SDCBP2: variants seen among roughly 807,000 people sequenced by gnomAD.
SDCBP2 encodes the protein syndecan binding protein 2.
Under a neutral mutation model 30.7 loss-of-function variants are expected in SDCBP2, and 28 were observed. The observed-to-expected ratio is 0.91, with a 90% CI of 0.68 to 1.25. SDCBP2 has a LOEUF of 1.25. SDCBP2 is among the 50% of genes most tolerant of loss of function. The pLI, the probability that SDCBP2 is intolerant of heterozygous loss-of-function variation, is 0.00. For missense variants in SDCBP2, 399 were observed against 379.0 expected (o/e 1.05, Z -0.44); for synonymous variants, 166 against 157.3 (o/e 1.06, Z -0.41).
In SDCBP2 at chr20:1,324,940, G is replaced by A. The variant is rs1326934964; in HGVS notation, c.-20+4145C>T. Among the ~76,000 whole-genome samples the A allele has an allele frequency of 2.6e-5, 4 of 152,138 alleles. No homozygotes were observed. Among genetic ancestry groups the A allele is most frequent in the Non-Finnish European group, 4.4e-5 (3 of 68,022 alleles). ...AGCCTCAGCTTTTACAAAGTGAAAT[G>A]CATATTCTTTTATTAGAAATTACTT... On this transcript the variant is annotated intron_variant, in intron 1 of 8. Coordinates refer to ENST00000360779, the MANE Select transcript of SDCBP2 (RefSeq NM_080489.5). This position sits in a 1 kb window ranked among gnomAD's most constrained non-coding sequence, Gnocchi z 4.7.
intron 1 of SDCBP2, chr20:1,322,580 T>G (rs1412622666): frequency 6.6e-6 from 1 of 152,152 alleles, no homozygotes; most frequent in African/African-American, 2.4e-5. Context: ...TTTATTATTA[T>G]TATTATTTTG....
intron 1 of SDCBP2, chr20:1,325,390 AGGGGT>A (rs2088907307): frequency 6.6e-6 from 1 of 152,026 alleles, no homozygotes; most frequent in African/African-American, 2.4e-5. Context: ...GGGCGCGGTT[AGGGGT>A]GACTCCCACG....
chr20:1,319,447 A>ACT, intron 3 of SDCBP2, 143 bp downstream of exon 3: 1 of 883,244 alleles, frequency 1.1e-6, no homozygotes, highest in Non-Finnish European at 1.8e-6. Context: ...GTGGGTGGCA[A>ACT]CTGGAAGCCT....
intron 4 of SDCBP2, among the ~76,000 whole-genome samples, chr20:1,314,421 A>G (rs1293071524): frequency 8.2e-6 from 1 of 122,670 alleles, no homozygotes; most frequent in Non-Finnish European, 1.6e-5. Flanking sequence ...CAGGAGGTGG[A>G]GGTTGCAGTG....
chr20:1,313,583 G>A lies in SDCBP2; in HGVS notation c.226-85C>T. The stretch of plus-strand genomic sequence containing the variant: ...ACACTGGGGTGGGGGTAGGGATGGG[G>A]AAAGGAGGATGGAGCCGTCCCCGGG... On this transcript the variant is annotated intron_variant, in intron 4 of 8. Coordinates refer to ENST00000360779, the MANE Select transcript of SDCBP2 (RefSeq NM_080489.5). This position sits in a 1 kb window ranked among gnomAD's most constrained non-coding sequence, Gnocchi z 5.2. 6.9e-7 allele frequency: 1 copy of A among 1,457,300 alleles called. No homozygotes were observed. Among genetic ancestry groups the A allele is most frequent in the Non-Finnish European group, 9.0e-7 (1 of 1,105,644 alleles). The allele number at this position is 1,457,300 out of a possible 1,614,324, so 90.3% of individuals were successfully genotyped here.
In SDCBP2 at chr20:1,313,172, C is replaced by A. The variant is rs918288150; in HGVS notation, c.384+168G>T. ...GGGCCCTGCGCAACCCAGCACCAGC[C>A]CCGCCCGGGTCTCGGGGAGGAGGGA... On this transcript the variant is annotated intron_variant, in intron 5 of 8. Coordinates refer to ENST00000360779, the MANE Select transcript of SDCBP2 (RefSeq NM_080489.5). The surrounding 1 kb of genome is among the most constrained non-coding windows in gnomAD (Gnocchi z 5.2). The A allele has an allele frequency of 1.3e-6, 1 of 741,848 alleles. No homozygotes were observed. Among genetic ancestry groups the A allele is most frequent in the East Asian group, 2.7e-5 (1 of 36,566 alleles). 46.0% of individuals were successfully genotyped at this position (741,848 alleles called of 1,614,324 possible).
In SDCBP2 at chr20:1,312,343, C is replaced by T. The variant is rs756276421; in HGVS notation, c.726G>A (p.Gly242=). ...GGTGCGGCCACCAGCCTACCTTCAG[C>T]CCGATAACATTCTGCCCGTCCACCT... The part of the protein sequence containing the change: ...VCEVDGQNVI[G]LKDKKIMEIL... The change falls in exon 7 of 9, where the codon GGG becomes GGA. Residue 242 remains glycine (G), a synonymous_variant. Transcript: ENST00000360779. The T allele has an allele frequency of 6.2e-7, 1 of 1,612,778 alleles. No individual in the cohort carries two copies. The highest frequency in any genetic ancestry group is 8.5e-7 in the Non-Finnish European group (1 of 1,179,524).
At chr20:1,318,596 C>T (rs577511572) in intron 3 of SDCBP2, among the ~76,000 whole-genome samples, 178 bp from the exon 4 acceptor site, 46 of 152,276 alleles carry the variant, frequency 3.0e-4, no homozygotes, top group African/African-American at 8.2e-4. Context: ...CCTCAGAGGG[C>T]CCAGGTGCAG....
intron 4 of SDCBP2, among the ~76,000 whole-genome samples, chr20:1,316,951 T>G (rs1480435673): frequency 6.6e-6 from 1 of 152,156 alleles, no homozygotes; most frequent in African/African-American, 2.4e-5. Flanking sequence ...CCTGGATGGA[T>G]CTAGAGGGTA....
At chr20:1,325,782 G>A (rs907572224) in intron 1 of SDCBP2, 8 of 152,272 alleles carry the variant, frequency 5.3e-5, no homozygotes, top group South Asian at 2.1e-4. Context: ...CAAGTCCCAA[G>A]GTATTTCCTA....
rs753591042 is a variant in SDCBP2 at position 1,324,754 on chromosome 20, A to G, written c.-19-4319T>C. ...GAACAGCATGCTCACGTCTGTGTAC[A>G]TGTGTAGCTGTCACAGTGACTCCGC... On this transcript the variant is annotated intron_variant, in intron 1 of 8. Coordinates refer to ENST00000360779, the MANE Select transcript of SDCBP2 (RefSeq NM_080489.5). The surrounding 1 kb of genome is among the most constrained non-coding windows in gnomAD (Gnocchi z 4.7). Among the ~76,000 whole-genome samples the G allele has an allele frequency of 2.6e-5, 4 of 152,136 alleles. No homozygotes were observed. Among genetic ancestry groups the G allele is most frequent in the Non-Finnish European group, 5.9e-5 (4 of 68,020 alleles).
chr20:1,314,933 A>C (rs1039162444), intron 4 of SDCBP2, among the ~76,000 whole-genome samples: 5 of 152,226 alleles, frequency 3.3e-5, no homozygotes. Flanking sequence ...TTGCCACCAA[A>C]TTGATATACA....
rs556911756 is a variant in SDCBP2, at chr20:1,313,327, C to T, written c.384+13G>A. ...GCTCGAGCTCCTCTTCCCACCCAGC[C>T]CCCGCGCCCTACCTGGTCGACCTTC... On this transcript the variant is annotated intron_variant, in intron 5 of 8. Transcript: ENST00000360779. This position sits in a 1 kb window ranked among gnomAD's most constrained non-coding sequence, Gnocchi z 5.2. 1.9e-6 allele frequency: 3 copies of T among 1,609,510 alleles called. No homozygotes were observed. In the Admixed American group the frequency reaches 5.0e-5, roughly 27 times the overall value.
At position 1,313,200 on chromosome 20, in the gene SDCBP2, G is replaced by T; in HGVS notation, c.384+140C>A. On this transcript the variant is annotated intron_variant, in intron 5 of 8. Transcript: ENST00000360779. This position sits in a 1 kb window ranked among gnomAD's most constrained non-coding sequence, Gnocchi z 5.2. ...GCCCGGGTCTCGGGGAGGAGGGACT[G>T]GGGGCAAGAGCCTGGCCGCTGGGGT... is the stretch of plus-strand genomic sequence containing the variant. 4.5e-6 allele frequency: 4 copies of T among 889,432 alleles called. No homozygotes were observed. Among genetic ancestry groups the T allele is most frequent in the Non-Finnish European group, 6.9e-6 (4 of 578,570 alleles). 55.1% of individuals were successfully genotyped at this position (889,432 alleles called of 1,614,324 possible).
At chr20:1,326,186 G>C (rs150436263) in intron 1 of SDCBP2, among the ~76,000 whole-genome samples, 1 of 152,340 alleles carries the variant, frequency 6.6e-6, no homozygotes, top group East Asian at 1.9e-4. Flanking sequence ...TGAGAGTCCA[G>C]TTGCCTTCTG....
At chr20:1,319,569 C>A (rs951988761) in intron 3 of SDCBP2, 21 bp downstream of exon 3, 76 of 1,557,592 alleles carry the variant, frequency 4.9e-5, no homozygotes, top group Middle Eastern at 3.3e-4. Flanking sequence ...ACCCAGGAGC[C>A]CCTCATCCCA....
rs1021632963 is a variant in SDCBP2 at position 1,313,160 on chromosome 20, C to T, written c.384+180G>A. On this transcript the variant is annotated intron_variant, in intron 5 of 8. Coordinates refer to ENST00000360779, the MANE Select transcript of SDCBP2 (RefSeq NM_080489.5). This position sits in a 1 kb window ranked among gnomAD's most constrained non-coding sequence, Gnocchi z 5.2. ...GAGGCCAGTGGAGGGCCCTGCGCAA[C>T]CCAGCACCAGCCCCGCCCGGGTCTC... is the stretch of plus-strand genomic sequence containing the variant. The T allele has an allele frequency of 2.9e-5, 20 of 700,564 alleles. No homozygotes were observed. Among genetic ancestry groups the T allele is most frequent in the Non-Finnish European group, 4.5e-5 (19 of 418,752 alleles). The allele number at this position is 700,564 out of a possible 1,614,324, so 43.4% of individuals were successfully genotyped here. A position where few individuals can be genotyped will look rare whatever the true frequency, so the allele number is the denominator to read the frequency against.
At position 1,312,602 on chromosome 20, in the gene SDCBP2, A is replaced by G; in HGVS notation, c.545T>C (p.Val182Ala). The change falls in exon 6 of 9, where the codon GTG (valine) becomes GCG (alanine). Residue 182 changes from valine to alanine, a missense_variant. Coordinates refer to ENST00000360779, the MANE Select transcript of SDCBP2 (RefSeq NM_080489.5). ...GGCTACTCACCTGTCCCGAACCACC[A>G]CGACAATCTTATCGCCTGATGCCTT... ...VKKASGDKIV[V>A]VVRDRPFQRT... 6.2e-7 allele frequency: 1 copy of G among 1,613,934 alleles called. No homozygotes were observed. Among genetic ancestry groups the G allele is most frequent in the Non-Finnish European group, 8.5e-7 (1 of 1,179,866 alleles).
chr20:1,312,346 GA>G lies in SDCBP2; in HGVS notation c.722del (p.Ile241ThrfsTer3). On this transcript the variant is annotated frameshift_variant, in exon 7 of 9. Coordinates refer to ENST00000360779, the MANE Select transcript of SDCBP2 (RefSeq NM_080489.5). LOFTEE classifies it high-confidence loss of function. ...GCGGCCACCAGCCTACCTTCAGCCC[GA>G]TAACATTCTGCCCGTCCACCTCACA... The part of the protein sequence containing the change: ...YVCEVDGQNV[I>X]GLKDKKIMEI... 1 of 1,612,908 alleles carries G rather than the reference GA, an allele frequency of 6.2e-7. No individual in the cohort carries two copies. The highest frequency in any genetic ancestry group is 8.5e-7 in the Non-Finnish European group (1 of 1,179,560).
Sources: allele counts gnomAD v4.1 joint callset (sites outside exome capture counted in the v4.1 genomes callset), GRCh38; gene constraint gnomAD v4.1.1; non-coding constraint Gnocchi (gnomAD v3.1); transcripts MANE v1.5; gene names NCBI Gene and HGNC (gene_info 2026-07-23, HGNC 2026-07-21).